The following RBFOX1 variants were observed in gnomAD, a reference collection of about 807,000 sequenced individuals.
RBFOX1 encodes RNA binding fox-1 homolog 1.
A neutral mutation model predicts 57.7 loss-of-function variants in RBFOX1; 8 were observed. That is an observed-to-expected ratio of 0.14 (90% CI 0.08 to 0.25). The LOEUF is 0.25. RBFOX1 is among the 10% of genes least tolerant of loss of function. The probability of loss-of-function intolerance (pLI) is 1.00; values close to 1 mark genes in which losing one functional copy is unlikely to be tolerated. For synonymous variants in RBFOX1, 326 were observed against 222.4 expected, an observed-to-expected ratio of 1.47 and a Z score of -4.15; for missense variants, 611 against 548.5, an observed-to-expected ratio of 1.11 and a Z score of -1.14.
intron 14 of RBFOX1, among the ~76,000 whole-genome samples, chr16:7,704,266 A>C (rs1178759681): frequency 6.6e-6 from 1 of 152,208 alleles, no homozygotes; most frequent in Non-Finnish European, 1.5e-5. Context: ...GTTGCAAGCC[A>C]TGGTGAATTA....
chr16:6,094,055 C>A (rs896581049), intron 1 of RBFOX1, among the ~76,000 whole-genome samples: 1 of 152,096 alleles, frequency 6.6e-6, no homozygotes, highest in Admixed American at 6.6e-5. Context: ...AGTTAGTGGT[C>A]CTCGACATGA....
intron 2 of RBFOX1, among the ~76,000 whole-genome samples, chr16:6,410,203 T>TGTGTGTGTGC (rs1278704473): frequency 6.6e-6 from 1 of 150,714 alleles, no homozygotes; most frequent in African/African-American, 2.4e-5. Context: ...TGTGTGTGTG[T>TGTGTGTGTGC]GCTGGTGCAT....
chr16:7,100,446 A>G (rs370971411), intron 4 of RBFOX1, among the ~76,000 whole-genome samples: 170 of 152,238 alleles, frequency 1.1e-3, no homozygotes, highest in African/African-American at 4.0e-3. Context: ...TTGAATTTTC[A>G]TAGATACCCA....
intron 2 of RBFOX1, among the ~76,000 whole-genome samples, chr16:6,454,746 G>A (rs998696440): frequency 6.6e-6 from 1 of 151,830 alleles, no homozygotes; most frequent in Non-Finnish European, 1.5e-5. Flanking sequence ...AAATGAATTG[G>A]ACTTGAGTGA....
chr16:7,386,761 T>A lies in RBFOX1; in HGVS notation c.28-131386T>A, dbSNP rs189849141. ...TATATCCAGTAATGGGATTGCTGGGTCTAATGGTATTTCTAGTTCTATATC... is the reference window on the plus strand; with the variant it reads ...TATATCCAGTAATGGGATTGCTGGGACTAATGGTATTTCTAGTTCTATATC... On this transcript the variant is annotated intron_variant, in intron 4 of 15. Transcript: ENST00000550418. Among the ~76,000 whole-genome samples the A allele has an allele frequency of 5.1e-4, 77 of 152,258 alleles. No individual in the cohort carries two copies. In the Middle Eastern group the frequency reaches 0.01, roughly 20 times the overall value.
intron 3 of RBFOX1, among the ~76,000 whole-genome samples, chr16:6,940,799 TG>T (rs1467324598): frequency 6.8e-5 from 10 of 147,802 alleles, no homozygotes; most frequent in African/African-American, 2.5e-4. Context: ...TGTGTGTGTG[TG>T]TGTGTGTGTG....
At chr16:7,602,040 T>C (rs1000247710) in intron 9 of RBFOX1, among the ~76,000 whole-genome samples, 2 of 152,200 alleles carry the variant, frequency 1.3e-5, no homozygotes, top group African/African-American at 4.8e-5. Flanking sequence ...GCAGTTTTTG[T>C]AATTCCTGTA....
At chr16:5,472,012 G>A (rs2069153130) in intron 2 of RBFOX1, among the ~76,000 whole-genome samples, 5 of 152,154 alleles carry the variant, frequency 3.3e-5, no homozygotes, top group Admixed American at 2.0e-4. Context: ...TCAGATTGCG[G>A]TGGATTTATT....
At chr16:5,686,780 T>C (rs1040722705) in intron 3 of RBFOX1, among the ~76,000 whole-genome samples, 3 of 152,144 alleles carry the variant, frequency 2.0e-5, no homozygotes, top group Non-Finnish European at 4.4e-5. Flanking sequence ...CCAGTAGAAA[T>C]TCCATTTGGC....
At chr16:6,040,582 C>CTCTT (rs958948360) in intron 1 of RBFOX1, among the ~76,000 whole-genome samples, 4 of 151,208 alleles carry the variant, frequency 2.6e-5, no homozygotes, top group Non-Finnish European at 5.9e-5. Context: ...CTCTCTCTCT[C>CTCTT]TCTTTCTTTC....
intron 4 of RBFOX1, among the ~76,000 whole-genome samples, chr16:7,307,648 C>A (rs919058409): frequency 3.3e-5 from 5 of 152,134 alleles, no homozygotes; most frequent in Non-Finnish European, 7.3e-5. Context: ...TTTAGAGCTG[C>A]AAGGTGGGAT....
intron 4 of RBFOX1, among the ~76,000 whole-genome samples, chr16:5,962,504 C>T (rs916107399): frequency 1.3e-5 from 2 of 152,146 alleles, no homozygotes; most frequent in Non-Finnish European, 2.9e-5. Flanking sequence ...CTTCACTTCA[C>T]ATCATCCTCT....
intron 4 of RBFOX1, among the ~76,000 whole-genome samples, chr16:5,999,793 G>A (rs1381064376): frequency 2.1e-5 from 3 of 145,400 alleles, no homozygotes; most frequent in East Asian, 2.5e-4. Flanking sequence ...CCTGGGAGGC[G>A]GAGCTTGTGG....
At chr16:7,027,377 C>T (rs746851295) in intron 3 of RBFOX1, among the ~76,000 whole-genome samples, 2 of 152,126 alleles carry the variant, frequency 1.3e-5, no homozygotes, top group Non-Finnish European at 2.9e-5. Flanking sequence ...TAGATATAAT[C>T]TCATAGATGC....
chr16:6,806,817 A>AATATATATATATATATATAT (rs1250190342), intron 3 of RBFOX1, among the ~76,000 whole-genome samples: 15 of 85,108 alleles, frequency 1.8e-4, no homozygotes, highest in Non-Finnish European at 2.1e-4. Flanking sequence ...TAAATATATA[A>AATATATATATATATATATAT]ATATATATAT....
chr16:5,392,277 A>G (rs2066432769), intron 1 of RBFOX1, among the ~76,000 whole-genome samples: 1 of 152,130 alleles, frequency 6.6e-6, no homozygotes, highest in Non-Finnish European at 1.5e-5. Flanking sequence ...TCTAAAACCT[A>G]TGGAAATAAA....
At chr16:6,092,035 C>A (rs920943989) in intron 1 of RBFOX1, among the ~76,000 whole-genome samples, 1 of 152,190 alleles carries the variant, frequency 6.6e-6, no homozygotes, top group Admixed American at 6.5e-5. Context: ...ATCCACCTAT[C>A]CATCCGTCCT....
intron 3 of RBFOX1, among the ~76,000 whole-genome samples, chr16:6,860,521 C>G (rs1270581378): frequency 6.6e-6 from 1 of 152,146 alleles, no homozygotes; most frequent in Non-Finnish European, 1.5e-5. Flanking sequence ...CATCATGGGA[C>G]ATTCAAGATG....
At chr16:6,640,033 G>C (rs997740914) in intron 2 of RBFOX1, among the ~76,000 whole-genome samples, 1 of 152,094 alleles carries the variant, frequency 6.6e-6, no homozygotes, top group African/African-American at 2.4e-5. Context: ...CCCATTTTCT[G>C]AAATACAGAA....
Sources: allele counts gnomAD v4.1 joint callset (sites outside exome capture counted in the v4.1 genomes callset), GRCh38; gene constraint gnomAD v4.1.1; transcripts MANE v1.5; gene names NCBI Gene and HGNC (gene_info 2026-07-23, HGNC 2026-07-21).